ENPP3: variants seen among roughly 807,000 people sequenced by gnomAD.
ENPP3 encodes the protein ectonucleotide pyrophosphatase/phosphodiesterase family member 3.
ENPP3 carries 104 observed loss-of-function variants against 117.8 expected under a neutral mutation model. That is an observed-to-expected ratio of 0.88 (90% CI 0.75 to 1.04). ENPP3 has a LOEUF of 1.04. ENPP3 is among the 50% of genes least tolerant of loss of function. The pLI, the probability that ENPP3 is intolerant of heterozygous loss-of-function variation, is 0.00. For missense variants in ENPP3, 1,026 were observed against 1,051.9 expected (o/e 0.98, Z 0.34); for synonymous variants, 380 against 349.9 (o/e 1.09, Z -0.96).
intron 14 of ENPP3, among the ~76,000 whole-genome samples, chr6:131,691,711 C>T (rs1779284593): frequency 6.6e-6 from 1 of 152,120 alleles, no homozygotes; most frequent in Non-Finnish European, 1.5e-5. Context: ...TAGTGAGCCT[C>T]CGGTTTTCTC....
At chr6:131,723,011 G>A (rs73777792) in intron 18 of ENPP3, among the ~76,000 whole-genome samples, 1,596 of 152,300 alleles carry the variant, frequency 0.01, 21 homozygotes, top group African/African-American at 0.033. Flanking sequence ...AGTCATAACA[G>A]CAGCTCAAAA....
intron 20 of ENPP3, among the ~76,000 whole-genome samples, chr6:131,732,709 A>ACAT (rs1249916554): frequency 9.2e-6 from 1 of 108,336 alleles, no homozygotes; most frequent in Non-Finnish European, 1.9e-5. Context: ...CTGGCCTAAG[A>ACAT]CATTATTATT....
rs1224802804 is a variant in ENPP3 at position 131,685,894 on chromosome 6, T to C, written c.1271T>C (p.Val424Ala). The C allele has an allele frequency of 2.1e-6, 2 of 945,908 alleles. No homozygotes were observed. The highest frequency in any genetic ancestry group is 1.7e-6 in the Non-Finnish European group (1 of 601,324). The allele number at this position is 945,908 out of a possible 1,614,324, so 58.6% of individuals were successfully genotyped here. Residue 424 changes from valine to alanine, a missense_variant, in exon 14 of 25, where the codon GTT becomes GCT. By Grantham distance (64) the Val-to-Ala change is moderately conservative (BLOSUM62 0). Coordinates refer to ENST00000357639, the MANE Select transcript of ENPP3 (RefSeq NM_005021.5). ...GAAACAGTTAATTCTGAGGAAATTG[T>C]TAGAAACCTCAGTGTAAGTATACAA... The part of the protein sequence containing the change: ...DFFSFNSEEI[V>A]RNLSCRKPDQ...
In ENPP3 at chr6:131,747,113, A is replaced by G. The variant is rs1780653953; in HGVS notation, c.*157A>G. Reference sequence around the variant, plus strand: ...TATTATTCCTTTTTCTCTTTTTTCAATTCTATGAATATGTATTATTTTAAA... The same window carrying G: ...TATTATTCCTTTTTCTCTTTTTTCAGTTCTATGAATATGTATTATTTTAAA... On this transcript the variant is annotated 3_prime_UTR_variant, in exon 25 of 25. Transcript: ENST00000357639. The G allele has an allele frequency of 6.4e-6, 3 of 465,940 alleles. No homozygotes were observed. The highest frequency in any genetic ancestry group is 7.9e-5 in the Admixed American group (2 of 25,436). 28.9% of individuals were successfully genotyped at this position (465,940 alleles called of 1,614,324 possible).
chr6:131,736,598 G>A (rs1193441302), intron 21 of ENPP3, among the ~76,000 whole-genome samples: 1 of 152,060 alleles, frequency 6.6e-6, no homozygotes, highest in Non-Finnish European at 1.5e-5. Context: ...TGAGATTGGG[G>A]GGGACACAGC....
intron 15 of ENPP3, among the ~76,000 whole-genome samples, chr6:131,694,898 A>G (rs1259793150): frequency 6.8e-6 from 1 of 147,682 alleles, no homozygotes; most frequent in Non-Finnish European, 1.5e-5. Context: ...GAAAGAACAC[A>G]AGGGACAAGG....
At chr6:131,692,599 T>A (rs186187857) in intron 14 of ENPP3, among the ~76,000 whole-genome samples, 2 of 149,476 alleles carry the variant, frequency 1.3e-5, no homozygotes, top group Admixed American at 1.3e-4. Flanking sequence ...GTTGTCATTA[T>A]CACTCTAAAT....
intron 11 of ENPP3, 99 bp downstream of exon 11, chr6:131,678,039 A>T (rs1035475518): frequency 4.4e-5 from 29 of 666,000 alleles, no homozygotes; most frequent in Non-Finnish European, 7.1e-5. Context: ...CTGAGCACAA[A>T]TGTATTTGAT....
chr6:131,637,945 T>A (rs2114271947), intron 1 of ENPP3, among the ~76,000 whole-genome samples: 2 of 151,728 alleles, frequency 1.3e-5, no homozygotes, highest in East Asian at 3.9e-4. Context: ...CAAATAAATT[T>A]TCCTTGATTT....
At chr6:131,684,393 A>G (rs1562450384) in intron 12 of ENPP3, among the ~76,000 whole-genome samples, 1 of 152,226 alleles carries the variant, frequency 6.6e-6, no homozygotes, top group Non-Finnish European at 1.5e-5. Context: ...AATAATTTAT[A>G]TGCAAGCCAG....
chr6:131,666,974 G>A (rs1047267712), intron 6 of ENPP3, among the ~76,000 whole-genome samples: 2 of 152,114 alleles, frequency 1.3e-5, no homozygotes, highest in South Asian at 2.1e-4. Flanking sequence ...AGTATGCTAG[G>A]TCCCATTGGT....
chr6:131,637,411 G>C lies in ENPP3; in HGVS notation c.27G>C (p.Thr9=). ...TGGAATCTACGTTGACTTTAGCAAC[G>C]GAACAACCTGTTAAGAAGAACACTC... The part of the protein sequence containing the change: MESTLTLA[T]EQPVKKNTLK... Residue 9 remains threonine, a synonymous_variant, in exon 1 of 25, where the codon ACG becomes ACC. Coordinates refer to ENST00000357639, the MANE Select transcript of ENPP3 (RefSeq NM_005021.5). 6.3e-7 allele frequency: 1 copy of C among 1,596,318 alleles called. No individual in the cohort carries two copies. Among genetic ancestry groups the C allele is most frequent in the Non-Finnish European group, 8.5e-7 (1 of 1,171,734 alleles).
chr6:131,677,461 T>C (rs1778894720), intron 10 of ENPP3, among the ~76,000 whole-genome samples: 2 of 151,910 alleles, frequency 1.3e-5, no homozygotes, highest in African/African-American at 4.8e-5. Flanking sequence ...TACCCACAGA[T>C]TGGAGTGAGG....
intron 1 of ENPP3, among the ~76,000 whole-genome samples, chr6:131,640,555 AT>A (rs1562422174): frequency 1.3e-5 from 2 of 152,376 alleles, no homozygotes; most frequent in Non-Finnish European, 1.5e-5. Context: ...CCTCAAAAAA[AT>A]AATTTATGTA....
Position 131,737,415 on chromosome 6 carries a change from T to C in ENPP3, c.2150T>C (p.Met717Thr), listed in dbSNP as rs974955460. 9 of 1,587,006 alleles carry C rather than the reference T, an allele frequency of 5.7e-6. No homozygotes were observed. The highest frequency in any genetic ancestry group is 1.7e-4 in the Middle Eastern group (1 of 5,926). ...DALITSNLVPMYEEFRKMWDY... is the reference protein window; with the variant it reads ...DALITSNLVPTYEEFRKMWDY... ...TTAATTACTAGCAATTTGGTACCTATGTATGAAGAATTCAGAAGTAAGTAT... is the reference window on the plus strand; with the variant it reads ...TTAATTACTAGCAATTTGGTACCTACGTATGAAGAATTCAGAAGTAAGTAT... Residue 717 changes from methionine (M) to threonine (T), a missense_variant, in exon 22 of 25, where the codon ATG (methionine) becomes ACG (threonine). Met to Thr is a moderately conservative substitution (Grantham distance 81). Transcript: ENST00000357639.
chr6:131,663,524 CAAAAAAA>C (rs766427836), intron 6 of ENPP3, among the ~76,000 whole-genome samples: 1 of 83,604 alleles, frequency 1.2e-5, no homozygotes, highest in Non-Finnish European at 2.5e-5. Flanking sequence ...CTGTCTCTAC[CAAAAAAA>C]AAAAAAAAAA....
At chr6:131,682,697 G>A (rs964474790) in intron 11 of ENPP3, among the ~76,000 whole-genome samples, 5 of 152,086 alleles carry the variant, frequency 3.3e-5, no homozygotes, top group African/African-American at 1.2e-4. Context: ...GAATGTATGT[G>A]ACCCTTAGGC....
intron 16 of ENPP3, among the ~76,000 whole-genome samples, chr6:131,719,943 T>A (rs1436148573): frequency 6.6e-6 from 1 of 152,154 alleles, no homozygotes; most frequent in African/African-American, 2.4e-5. Flanking sequence ...GAAAAGATAA[T>A]ATGATGTTAT....
At chr6:131,716,734 T>C in intron 15 of ENPP3, among the ~76,000 whole-genome samples, 1 of 150,720 alleles carries the variant, frequency 6.6e-6, no homozygotes, top group African/African-American at 2.4e-5. Flanking sequence ...TTTGGGAGGC[T>C]GAGATGGGTG....
Sources: gnomAD v4.1 joint callset for allele counts (sites outside exome capture counted in the v4.1 genomes callset) on GRCh38, gnomAD v4.1.1 for gene constraint, MANE v1.5 for transcripts, NCBI Gene and HGNC (gene_info 2026-07-23, HGNC 2026-07-21) for gene names.